LAMC1: variants seen among roughly 807,000 people sequenced by gnomAD.
The protein encoded by LAMC1 is laminin subunit gamma 1.
LAMC1 carries 38 observed loss-of-function variants against 173.6 expected under a neutral mutation model. The ratio of observed to expected loss-of-function variants is 0.22; its 90% CI spans 0.17 to 0.29. The LOEUF (loss-of-function observed/expected upper bound fraction) is 0.29, where lower values mean the gene tolerates loss of function less well. Among genes scored for constraint, LAMC1 ranks in the 10% least tolerant of loss-of-function variants. LAMC1 has a pLI of 1.00. For synonymous variants in LAMC1, 746 were observed against 749.1 expected (o/e 1.00, Z 0.07); for missense variants, 1,824 against 2,051.8 (o/e 0.89, Z 2.14).
At chr1:183,109,294 G>A (rs559249276) in intron 3 of LAMC1, among the ~76,000 whole-genome samples, 1 of 152,330 alleles carries the variant, frequency 6.6e-6, no homozygotes, top group South Asian at 2.1e-4. Flanking sequence ...CAGTGGGCCA[G>A]GAGGATTAAT....
At chr1:183,032,066 A>G (rs1653863209) in intron 1 of LAMC1, among the ~76,000 whole-genome samples, 1 of 152,212 alleles carries the variant, frequency 6.6e-6, no homozygotes, top group Non-Finnish European at 1.5e-5. Flanking sequence ...CAGAAAACCC[A>G]TTTATAGAAA....
intron 1 of LAMC1, among the ~76,000 whole-genome samples, chr1:183,087,576 A>G (rs1021796182): frequency 3.9e-5 from 6 of 152,170 alleles, no homozygotes; most frequent in African/African-American, 1.4e-4. Flanking sequence ...CAGTCCATCT[A>G]TCTCACAGAA....
intron 1 of LAMC1, among the ~76,000 whole-genome samples, chr1:183,038,948 A>C (rs1404723535): frequency 6.6e-6 from 1 of 152,040 alleles, no homozygotes; most frequent in Non-Finnish European, 1.5e-5. Flanking sequence ...AAAGAAAAAA[A>C]GTTTTAGGGA....
Position 183,023,797 on chromosome 1 carries a change from C to T in LAMC1, c.81C>T (p.Ala27=). Residue 27 remains alanine (A), a synonymous_variant, in exon 1 of 28, where the codon GCC becomes GCT. Transcript: ENST00000258341. ...CCGTGCTGGCCGTGCTGGCGGCGGC[C>T]GCCGCGGCGGGCTGTGCCCAGGCAG... ...LWPVLAVLAA[A]AAAGCAQAAM... is the part of the protein sequence containing the mutation. 1.3e-6 allele frequency: 2 copies of T among 1,503,580 alleles called. No individual in the cohort carries two copies. The highest frequency in any genetic ancestry group is 1.8e-6 in the Non-Finnish European group (2 of 1,129,256). The allele number at this position is 1,503,580 out of a possible 1,614,324, so 93.1% of individuals were successfully genotyped here. A position where few individuals can be genotyped will look rare whatever the true frequency, so the allele number is the denominator to read the frequency against.
chr1:183,105,224 C>CAAAAAAAA (rs35512159), intron 2 of LAMC1, among the ~76,000 whole-genome samples: 11 of 42,662 alleles, frequency 2.6e-4, no homozygotes, highest in African/African-American at 5.3e-4. Context: ...GACTCCATCT[C>CAAAAAAAA]AAAAAAAAAA....
At chr1:183,068,867 A>C (rs940432564) in intron 1 of LAMC1, among the ~76,000 whole-genome samples, 1 of 151,958 alleles carries the variant, frequency 6.6e-6, no homozygotes, top group African/African-American at 2.4e-5. Context: ...GCTTGAACCC[A>C]GGAGGCGAAG....
At chr1:183,111,643 A>G (rs1397984849) in intron 4 of LAMC1, among the ~76,000 whole-genome samples, 1 of 152,246 alleles carries the variant, frequency 6.6e-6, no homozygotes, top group Non-Finnish European at 1.5e-5. Context: ...TTTAATCATG[A>G]TTTTAAAGCA....
intron 26 of LAMC1, among the ~76,000 whole-genome samples, chr1:183,138,781 C>T (rs1341370947): frequency 6.6e-6 from 1 of 152,140 alleles, no homozygotes; most frequent in East Asian, 1.9e-4. Context: ...TGTCTGGGCG[C>T]AGTGGTTCAC....
At chr1:183,139,994 C>T (rs541092350) in intron 26 of LAMC1, among the ~76,000 whole-genome samples, 1 of 152,064 alleles carries the variant, frequency 6.6e-6, no homozygotes, top group East Asian at 1.9e-4. Context: ...TAAGAGTGTC[C>T]TGAAGGACAT....
chr1:183,121,593 A>C, intron 11 of LAMC1, 130 bp from the exon 12 acceptor site: 1 of 683,892 alleles, frequency 1.5e-6, no homozygotes, highest in Non-Finnish European at 2.5e-6. Context: ...TTAGTGTATC[A>C]GAGCCCAGTT....
chr1:183,098,976 C>T (rs1655763285), intron 1 of LAMC1, among the ~76,000 whole-genome samples: 1 of 152,202 alleles, frequency 6.6e-6, no homozygotes, highest in Non-Finnish European at 1.5e-5. Flanking sequence ...TTCCTTGGCC[C>T]TGTAACCCTT....
At chr1:183,079,787 C>T (rs186932597) in intron 1 of LAMC1, among the ~76,000 whole-genome samples, 5 of 152,240 alleles carry the variant, frequency 3.3e-5, no homozygotes, top group East Asian at 3.9e-4. Flanking sequence ...ATTTGAAGAG[C>T]GGTAGATCAG....
chr1:183,054,229 A>G (rs1654521231), intron 1 of LAMC1, among the ~76,000 whole-genome samples: 1 of 152,184 alleles, frequency 6.6e-6, no homozygotes, highest in African/African-American at 2.4e-5. Context: ...TGCTTTTCTT[A>G]GATTAATTTA....
At chr1:183,059,882 T>C (rs1360694886) in intron 1 of LAMC1, among the ~76,000 whole-genome samples, 1 of 152,154 alleles carries the variant, frequency 6.6e-6, no homozygotes, top group East Asian at 1.9e-4. Flanking sequence ...TGACTGTAGG[T>C]TCCTTGATTA....
intron 1 of LAMC1, among the ~76,000 whole-genome samples, chr1:183,063,999 A>G (rs1239687712): frequency 3.3e-5 from 5 of 152,200 alleles, no homozygotes; most frequent in Non-Finnish European, 7.3e-5. Flanking sequence ...ACAGGCTTTA[A>G]GTATAAAAAA....
At chr1:183,027,692 A>G (rs10797815) in intron 1 of LAMC1, among the ~76,000 whole-genome samples, 75,840 of 152,124 alleles carry the variant, frequency 0.5, 19,621 homozygotes, top group South Asian at 0.64. Flanking sequence ...TGAAGCTTTT[A>G]AATCTGCATC....
chr1:183,102,731 T>C lies in LAMC1; in HGVS notation c.419-597T>C, dbSNP rs1655866844. 1.3e-5 allele frequency among the ~76,000 whole-genome samples: 2 copies of C among 152,336 alleles called. 1 individual carries two copies. The highest frequency in any genetic ancestry group is 3.9e-4 in the East Asian group (2 of 5,190). ...CTTTTTTCCCCCATTTCATTGTTCATCCACTGAAGGAATTTTTTTTCCTCT... is the reference window on the plus strand; with the variant it reads ...CTTTTTTCCCCCATTTCATTGTTCACCCACTGAAGGAATTTTTTTTCCTCT... On this transcript the variant is annotated intron_variant, in intron 1 of 27. Transcript: ENST00000258341.
At chr1:183,085,972 C>T (rs1296174738) in intron 1 of LAMC1, among the ~76,000 whole-genome samples, 1 of 152,008 alleles carries the variant, frequency 6.6e-6, no homozygotes, top group Non-Finnish European at 1.5e-5. Flanking sequence ...GTGCTTGATC[C>T]TTAGCATACA....
At chr1:183,031,907 T>C (rs989240039) in intron 1 of LAMC1, among the ~76,000 whole-genome samples, 1 of 151,546 alleles carries the variant, frequency 6.6e-6, no homozygotes, top group African/African-American at 2.4e-5. Context: ...AATAAAATAA[T>C]TTAAAAATAA....
Sources: gnomAD v4.1 joint callset for allele counts (sites outside exome capture counted in the v4.1 genomes callset) on GRCh38, gnomAD v4.1.1 for gene constraint, MANE v1.5 for transcripts, NCBI Gene and HGNC (gene_info 2026-07-23, HGNC 2026-07-21) for gene names.